Variants in USP43 observed in about 807,000 individuals in gnomAD.
The protein encoded by USP43 is ubiquitin specific peptidase 43.
Under a neutral mutation model 90.7 loss-of-function variants are expected in USP43, and 33 were observed. The ratio of observed to expected loss-of-function variants is 0.36; its 90% CI spans 0.28 to 0.49. The LOEUF is 0.49. Among genes scored for constraint, USP43 ranks in the 20% least tolerant of loss-of-function variants. The pLI is 0.98. For missense variants in USP43, 1,274 were observed against 1,476.4 expected, an observed-to-expected ratio of 0.86 and a Z score of 2.25; for synonymous variants, 598 against 615.8, an observed-to-expected ratio of 0.97 and a Z score of 0.43.
intron 1 of USP43, among the ~76,000 whole-genome samples, 178 bp from the exon 2 acceptor site, chr17:9,656,225 C>G (rs374237832): frequency 1.3e-5 from 2 of 152,090 alleles, no homozygotes; most frequent in African/African-American, 4.8e-5. Context: ...CATTTGGGGA[C>G]ATTGCCCCAA....
chr17:9,709,974 T>C lies in USP43; in HGVS notation c.2030T>C (p.Leu677Pro). The C allele has an allele frequency of 6.7e-7, 1 of 1,492,332 alleles. No homozygotes were observed. The highest frequency in any genetic ancestry group is 8.9e-7 in the Non-Finnish European group (1 of 1,118,382). 92.4% of individuals were successfully genotyped at this position (1,492,332 alleles called of 1,614,324 possible). The change falls in exon 13 of 15, where the codon CTG (leucine) becomes CCG (proline). Residue 677 changes from leucine (L) to proline (P), a missense_variant. By Grantham distance (98) the Leu-to-Pro change is moderately conservative. Transcript: ENST00000285199. This position sits in a 1 kb window ranked among gnomAD's most constrained non-coding sequence, Gnocchi z 5.0. ...TTTGCAGCCTACTGCCGGAACTCTC[T>C]GGATGGCCAGTGGTACAGTTATGAT... ...GHYTAYCRNSLDGQWYSYDDS... is the reference protein window; with the variant it reads ...GHYTAYCRNSPDGQWYSYDDS...
Position 9,650,568 on chromosome 17 carries a change from A to AT in USP43, c.504+4438dup, listed in dbSNP as rs200510610. Among the ~76,000 whole-genome samples the AT allele has an allele frequency of 7.4e-3, 1,132 of 152,058 alleles. 38 individuals carry two copies. Among genetic ancestry groups the AT allele is most frequent in the Admixed American group, 0.06 (919 of 15,276 alleles). Reference sequence around the variant, plus strand: ...CAGACATGCACCACCATGCCCAGCTATTTTTTGTATTTTTAGTAGACACGG... The same window carrying AT: ...CAGACATGCACCACCATGCCCAGCTATTTTTTTGTATTTTTAGTAGACACGG... On this transcript the variant is annotated intron_variant, in intron 1 of 14. Transcript: ENST00000285199.
intron 12 of USP43, among the ~76,000 whole-genome samples, chr17:9,705,665 G>A: frequency 6.6e-6 from 1 of 150,658 alleles, no homozygotes. Context: ...TGAGGCAGGA[G>A]AACTGCTTGA....
rs187054810 is a variant in USP43, at chr17:9,688,597, C to T, written c.1353+1688C>T. On this transcript the variant is annotated intron_variant, in intron 8 of 14. Transcript: ENST00000285199. ...ATCTCTTGGCCTCATGATCCTCCCACTTCAACCTCCCAAAGTGCTGGGATT... is the reference window on the plus strand; with the variant it reads ...ATCTCTTGGCCTCATGATCCTCCCATTTCAACCTCCCAAAGTGCTGGGATT... Among the ~76,000 whole-genome samples the T allele has an allele frequency of 7.2e-5, 11 of 152,302 alleles. No homozygotes were observed. In the East Asian group the frequency reaches 2.1e-3, roughly 29 times the overall value.
At position 9,727,987 on chromosome 17, in the gene USP43, T is replaced by A; in HGVS notation, c.2369T>A (p.Val790Glu). The change falls in exon 15 of 15, where the codon GTG becomes GAG. Residue 790 changes from valine (V) to glutamate (E), a missense_variant. Val to Glu is a moderately radical substitution (Grantham distance 121). This residue lies in a region of USP43 where 285 missense variants were observed against 349.6 expected (regional missense o/e 0.82). Coordinates refer to ENST00000285199, the MANE Select transcript of USP43 (RefSeq NM_153210.5). ...GLEPRRLVRGVKGRSISMKAP... is the reference protein window; with the variant it reads ...GLEPRRLVRGEKGRSISMKAP... Reference sequence around the variant, plus strand: ...GAGCCCAGGCGTTTGGTACGGGGCGTGAAAGGCAGAAGCATTAGCATGAAG... The same window carrying A: ...GAGCCCAGGCGTTTGGTACGGGGCGAGAAAGGCAGAAGCATTAGCATGAAG... 1 of 1,610,786 alleles carries A rather than the reference T, an allele frequency of 6.2e-7. No individual in the cohort carries two copies. The highest frequency in any genetic ancestry group is 1.1e-5 in the South Asian group (1 of 91,042).
At chr17:9,666,301 T>C (rs1045962118) in intron 2 of USP43, among the ~76,000 whole-genome samples, 8 of 152,114 alleles carry the variant, frequency 5.3e-5, no homozygotes, top group African/African-American at 1.4e-4. Context: ...CCAATAAATA[T>C]ACGAGAGGCA....
intron 2 of USP43, among the ~76,000 whole-genome samples, chr17:9,658,225 C>T (rs78952362): frequency 0.014 from 2,125 of 152,308 alleles, 48 homozygotes; most frequent in African/African-American, 0.046. Context: ...AGTGTTTGCT[C>T]AGAGCCCGTC....
rs146964129 is a variant in USP43, at chr17:9,698,553, C to T, written c.1458-1619C>T. Among the ~76,000 whole-genome samples, 433 of 152,266 alleles carry T rather than the reference C, an allele frequency of 2.8e-3. 2 individuals are homozygous for T. Among genetic ancestry groups the T allele is most frequent in the African/African-American group, 9.4e-3 (389 of 41,548 alleles). ...GTATATACATTTCTTGGAGTAGCAT[C>T]GCTCCATACACATTGAATAAGGCCC... is the stretch of plus-strand genomic sequence containing the variant. On this transcript the variant is annotated intron_variant, in intron 9 of 14. Transcript: ENST00000285199.
Position 9,712,131 on chromosome 17 carries a change from G to A in USP43, c.2334G>A (p.Lys778=). 1.3e-6 allele frequency: 2 copies of A among 1,575,452 alleles called. No individual in the cohort carries two copies. The highest frequency in any genetic ancestry group is 1.7e-6 in the Non-Finnish European group (2 of 1,158,848). The change falls in exon 14 of 15, where the codon AAG becomes AAA. Residue 778 remains lysine (K), a splice_region_variant and synonymous_variant. Transcript: ENST00000285199. ...CCAACAGCCTCTGCAATCAGGAAAAGGGTATGTTGGTTAAATGTGCTTGGT... is the reference window on the plus strand; with the variant it reads ...CCAACAGCCTCTGCAATCAGGAAAAAGGTATGTTGGTTAAATGTGCTTGGT... ...IFTNSLCNQE[K]GGLEPRRLVR...
At chr17:9,679,361 C>G (rs1914003334) in intron 5 of USP43, among the ~76,000 whole-genome samples, 1 of 150,906 alleles carries the variant, frequency 6.6e-6, no homozygotes, top group Non-Finnish European at 1.5e-5. Flanking sequence ...GCCACCATGC[C>G]TGGCTAATTT....
At chr17:9,703,450 G>A (rs540369130) in intron 12 of USP43, among the ~76,000 whole-genome samples, 29 of 152,358 alleles carry the variant, frequency 1.9e-4, no homozygotes, top group African/African-American at 6.5e-4. Flanking sequence ...GAACATTAAA[G>A]AGCAGAATGC....
intron 14 of USP43, among the ~76,000 whole-genome samples, chr17:9,723,226 T>G (rs1008858008): frequency 6.6e-6 from 1 of 152,118 alleles, no homozygotes; most frequent in African/African-American, 2.4e-5. Flanking sequence ...CTTGTTTTTT[T>G]CTGGTGGGAA....
chr17:9,682,859 C>A lies in USP43; in HGVS notation c.1142C>A (p.Ala381Glu), dbSNP rs760631750. ...PLGLSASPRL[A>E]AREGQRFSLS... ...GGTCTGTCGGCCTCCCCACGCCTGG[C>A]AGCCCGTGAGGGCCAGCGATTCTCC... is the stretch of plus-strand genomic sequence containing the variant. The change falls in exon 7 of 15, where the codon GCA becomes GAA. Residue 381 changes from alanine to glutamate, a missense_variant. Around this residue, in one of 6 missense-constraint regions of USP43, gnomAD observed 253 missense variants for 276.0 expected, o/e 0.92. Coordinates refer to ENST00000285199, the MANE Select transcript of USP43 (RefSeq NM_153210.5). 1.9e-5 allele frequency: 30 copies of A among 1,613,890 alleles called. No homozygotes were observed. The highest frequency in any genetic ancestry group is 2.5e-5 in the Non-Finnish European group (29 of 1,179,878).
chr17:9,651,697 C>T (rs1281477414), intron 1 of USP43, among the ~76,000 whole-genome samples: 1 of 152,092 alleles, frequency 6.6e-6, no homozygotes, highest in African/African-American at 2.4e-5. Flanking sequence ...AGCTTATGTG[C>T]TTAAGCATCA....
At chr17:9,711,145 G>A (rs1916171553) in intron 13 of USP43, among the ~76,000 whole-genome samples, 1 of 152,116 alleles carries the variant, frequency 6.6e-6, no homozygotes, top group Non-Finnish European at 1.5e-5. Context: ...ATGGTGCAAA[G>A]TGTAGGCATC....
chr17:9,727,617 A>T (rs999517584), intron 14 of USP43, among the ~76,000 whole-genome samples: 4 of 152,230 alleles, frequency 2.6e-5, no homozygotes, highest in Non-Finnish European at 4.4e-5. Context: ...ATTCCGTTTC[A>T]TAGGAATATT....
At chr17:9,711,044 A>G (rs994199738) in intron 13 of USP43, among the ~76,000 whole-genome samples, 9 of 152,288 alleles carry the variant, frequency 5.9e-5, no homozygotes, top group African/African-American at 1.9e-4. Context: ...CCATTTATAG[A>G]AGAAGATGTT....
Position 9,728,054 on chromosome 17 carries a change from C to T in USP43, c.2436C>T (p.Thr812=). 1 of 1,613,942 alleles carries T rather than the reference C, an allele frequency of 6.2e-7. No homozygotes were observed. Among genetic ancestry groups the T allele is most frequent in the Non-Finnish European group, 8.5e-7 (1 of 1,179,886 alleles). ...GAGCCAAGCAGGGACCATTCAAGACCATGCCTCTGCGGTGGTCCTTTGGAT... is the reference window on the plus strand; with the variant it reads ...GAGCCAAGCAGGGACCATTCAAGACTATGCCTCTGCGGTGGTCCTTTGGAT... ...TSRAKQGPFK[T]MPLRWSFGSK... is the part of the protein sequence containing the mutation. Residue 812 remains threonine (T), a synonymous_variant, in exon 15 of 15, where the codon ACC becomes ACT. Coordinates refer to ENST00000285199, the MANE Select transcript of USP43 (RefSeq NM_153210.5). The surrounding 1 kb of genome is among the most constrained non-coding windows in gnomAD (Gnocchi z 6.2).
rs75789321 is a variant in USP43, at chr17:9,685,252, G to A, written c.1242-1546G>A. On this transcript the variant is annotated intron_variant, in intron 7 of 14. Transcript: ENST00000285199. ...ATTGGGTCTTCACACAGGCTGCAGC[G>A]AGGCCAGGAAGCAGTGAGTCGCTAG... Among the ~76,000 whole-genome samples, 167 of 152,258 alleles carry A rather than the reference G, an allele frequency of 1.1e-3. No homozygotes were observed. The East Asian group carries it at 0.014, about 13-fold the overall frequency.
Sources: allele counts gnomAD v4.1 joint callset (sites outside exome capture counted in the v4.1 genomes callset), GRCh38; gene constraint gnomAD v4.1.1; regional missense constraint gnomAD v4.1.1; non-coding constraint Gnocchi (gnomAD v3.1); transcripts MANE v1.5; gene names NCBI Gene and HGNC (gene_info 2026-07-23, HGNC 2026-07-21).